Variants in C4orf50 observed in about 807,000 individuals in gnomAD.
C4orf50 encodes chromosome 4 open reading frame 50.
A neutral mutation model predicts 77.2 loss-of-function variants in C4orf50; 80 were observed. The ratio of observed to expected loss-of-function variants is 1.04; its 90% CI spans 0.87 to 1.25. C4orf50 has a LOEUF of 1.25. Ranked by LOEUF, C4orf50 falls within the 50% of genes most tolerant of loss-of-function variation. C4orf50 has a pLI of 0.00. For synonymous variants in C4orf50, 532 were observed against 465.3 expected, an observed-to-expected ratio of 1.14 and a Z score of -1.84; for missense variants, 1,257 against 1,152.9, an observed-to-expected ratio of 1.09 and a Z score of -1.31.
At chr4:5,936,562 C>CAAAAAAAAAAAAAAAAAA (rs374200584) in intron 7 of C4orf50, among the ~76,000 whole-genome samples, 1 of 75,404 alleles carries the variant, frequency 1.3e-5, no homozygotes, top group Non-Finnish European at 2.3e-5. Flanking sequence ...GACGCCATCT[C>CAAAAAAAAAAAAAAAAAA]AAAAAAAAAA....
chr4:5,992,123 C>T lies in C4orf50; in HGVS notation c.1221+680G>A, dbSNP rs1721324313. ...CCGTGTTCTAAGACATTGCCCTGGGCTTCAAGGGAAGGGGGCGGTGAGGAG... is the reference window on the plus strand; with the variant it reads ...CCGTGTTCTAAGACATTGCCCTGGGTTTCAAGGGAAGGGGGCGGTGAGGAG... On this transcript the variant is annotated intron_variant, in intron 27 of 33. Coordinates refer to ENST00000531445, the Ensembl canonical transcript of C4orf50. The surrounding 1 kb of genome is among the most constrained non-coding windows in gnomAD (Gnocchi z 5.0). Among the ~76,000 whole-genome samples, 2 of 152,176 alleles carry T rather than the reference C, an allele frequency of 1.3e-5. No individual in the cohort carries two copies. The highest frequency in any genetic ancestry group is 1.3e-4 in the Admixed American group (2 of 15,274).
intron 7 of C4orf50, among the ~76,000 whole-genome samples, chr4:5,912,275 G>T (rs576141539): frequency 6.6e-6 from 1 of 151,868 alleles, no homozygotes; most frequent in African/African-American, 2.4e-5. Flanking sequence ...GTGTGTGTGT[G>T]TGTGTGTGTG....
In C4orf50 at chr4:5,932,843, A is replaced by G. The variant is rs967345700; in HGVS notation, c.*2474+24058T>C. On this transcript the variant is annotated intron_variant, in intron 7 of 7. Coordinates refer to the C4orf50 transcript ENST00000324058. This position sits in a 1 kb window ranked among gnomAD's most constrained non-coding sequence, Gnocchi z 4.2. ...AGTTTCCTTCTGCACAGAGGAGAATATTACTAGTTAGCTTCACAAATTGTT... is the reference window on the plus strand; with the variant it reads ...AGTTTCCTTCTGCACAGAGGAGAATGTTACTAGTTAGCTTCACAAATTGTT... Among the ~76,000 whole-genome samples the G allele has an allele frequency of 6.6e-6, 1 of 152,182 alleles. No individual in the cohort carries two copies. Among genetic ancestry groups the G allele is most frequent in the Non-Finnish European group, 1.5e-5 (1 of 68,034 alleles).
chr4:5,989,461 C>T, exon 28 of C4orf50: 2 of 1,536,078 alleles, frequency 1.3e-6, no homozygotes, highest in Non-Finnish European at 1.7e-6. Flanking sequence ...AGAACAAATA[C>T]CCCAATTTCC....
chr4:5,905,268 G>A lies in C4orf50; in HGVS notation c.*2475-7080C>T, dbSNP rs1716500091. ...AGCCATCTCTTGGGTCCCCAGGTTGGTATCATACAGAGTAGAAGTATTCCC... is the reference window on the plus strand; with the variant it reads ...AGCCATCTCTTGGGTCCCCAGGTTGATATCATACAGAGTAGAAGTATTCCC... On this transcript the variant is annotated intron_variant, in intron 7 of 7. Transcript: ENST00000324058. The surrounding 1 kb of genome is among the most constrained non-coding windows in gnomAD (Gnocchi z 5.4). 6.6e-6 allele frequency: 1 copy of A among 152,212 alleles called. No homozygotes were observed. The highest frequency in any genetic ancestry group is 2.1e-4 in the South Asian group (1 of 4,824). The allele number at this position is 152,212 out of a possible 1,614,324, so 9.4% of individuals were successfully genotyped here. A position where few individuals can be genotyped will look rare whatever the true frequency, so the allele number is the denominator to read the frequency against.
At chr4:5,912,998 T>G (rs891709232) in intron 7 of C4orf50, among the ~76,000 whole-genome samples, 7 of 152,192 alleles carry the variant, frequency 4.6e-5, no homozygotes, top group Non-Finnish European at 7.3e-5. Flanking sequence ...GGGGAGTCAT[T>G]TCCATCTCTA....
At chr4:5,931,609 G>A (rs941316427) in intron 7 of C4orf50, among the ~76,000 whole-genome samples, 21 of 152,062 alleles carry the variant, frequency 1.4e-4, no homozygotes, top group Admixed American at 4.6e-4. Context: ...CAGGCTCTGC[G>A]CGGCTGTTTT....
At chr4:5,945,226 G>C (rs1467532832) in intron 7 of C4orf50, among the ~76,000 whole-genome samples, 1 of 152,176 alleles carries the variant, frequency 6.6e-6, no homozygotes, top group African/African-American at 2.4e-5. Flanking sequence ...GTTTCCCTTA[G>C]TAAGCAGCAT....
intron 7 of C4orf50, among the ~76,000 whole-genome samples, chr4:5,938,384 C>G (rs967242305): frequency 5.3e-5 from 8 of 152,226 alleles, no homozygotes; most frequent in African/African-American, 1.9e-4. Context: ...CCAAGGGGCT[C>G]TCTCTTCAAT....
chr4:5,991,932 C>T (rs1453605379), intron 27 of C4orf50, among the ~76,000 whole-genome samples: 1 of 152,202 alleles, frequency 6.6e-6, no homozygotes, highest in African/African-American at 2.4e-5. Flanking sequence ...CTGCAATGTC[C>T]TTCCATCCAG....
intron 33 of C4orf50, among the ~76,000 whole-genome samples, chr4:5,960,904 T>C (rs1299220221): frequency 6.6e-6 from 1 of 152,106 alleles, no homozygotes; most frequent in East Asian, 1.9e-4. Flanking sequence ...TCCCAGCACT[T>C]TGGGAGGCTG....
At chr4:5,957,927 G>T (rs1345682807) in exon 34 of C4orf50, 1 of 152,150 alleles carries the variant, frequency 6.6e-6, no homozygotes, top group Non-Finnish European at 1.5e-5. Flanking sequence ...AGAGTCTACG[G>T]GAACTCTGTG....
At chr4:5,995,371 T>A (rs1445758395) in intron 25 of C4orf50, among the ~76,000 whole-genome samples, 1 of 152,000 alleles carries the variant, frequency 6.6e-6, no homozygotes, top group Non-Finnish European at 1.5e-5. Flanking sequence ...CCCCTGGACT[T>A]CTCCACAGTG....
intron 7 of C4orf50, among the ~76,000 whole-genome samples, chr4:5,925,111 A>G (rs1053359736): frequency 2.6e-5 from 4 of 152,096 alleles, no homozygotes; most frequent in African/African-American, 9.7e-5. Context: ...GGTCTGGGCC[A>G]CTTGGGTTGG....
chr4:5,973,640 G>T lies in C4orf50; in HGVS notation c.4104+19C>A. 1 of 1,595,612 alleles carries T rather than the reference G, an allele frequency of 6.3e-7. No homozygotes were observed. The highest frequency in any genetic ancestry group is 8.6e-7 in the Non-Finnish European group (1 of 1,167,202). On this transcript the variant is annotated intron_variant, in intron 31 of 33. Coordinates refer to ENST00000531445, the Ensembl canonical transcript of C4orf50. ...CACTCCCATAGGAAGCACAGACAGGGCCATCTCTGGGACTCTACCTCTGGG... is the reference window on the plus strand; with the variant it reads ...CACTCCCATAGGAAGCACAGACAGGTCCATCTCTGGGACTCTACCTCTGGG...
intron 23 of C4orf50, among the ~76,000 whole-genome samples, chr4:6,014,727 T>C (rs918928623): frequency 6.6e-5 from 10 of 152,218 alleles, no homozygotes; most frequent in African/African-American, 2.4e-4. Flanking sequence ...AAGGAGATGA[T>C]GTCACCCCAT....
chr4:5,971,402 G>A (rs2108773041), intron 31 of C4orf50, among the ~76,000 whole-genome samples: 1 of 152,270 alleles, frequency 6.6e-6, no homozygotes, highest in Non-Finnish European at 1.5e-5. Context: ...CCTCCCATCA[G>A]CCCAGCCTCC....
intron 7 of C4orf50, chr4:5,903,399 G>A (rs1020453135): frequency 6.6e-6 from 1 of 152,164 alleles, no homozygotes; most frequent in East Asian, 1.9e-4. Context: ...GCCACCCTAA[G>A]GTCCCTCAAT....
At chr4:5,989,623 T>C (rs1721135152) in exon 28 of C4orf50, 2 of 1,536,162 alleles carry the variant, frequency 1.3e-6, no homozygotes, top group Middle Eastern at 1.7e-4. Flanking sequence ...CTCCACGTCC[T>C]GTGCAAGCTC....
Sources: allele counts gnomAD v4.1 joint callset (sites outside exome capture counted in the v4.1 genomes callset), GRCh38; gene constraint gnomAD v4.1.1; non-coding constraint Gnocchi (gnomAD v3.1); transcripts MANE v1.5; gene names NCBI Gene and HGNC (gene_info 2026-07-23, HGNC 2026-07-21).